Variants in KCTD17 observed in about 807,000 individuals in gnomAD.
KCTD17 encodes potassium channel tetramerization domain containing 17, also known as BTB/POZ domain-containing protein KCTD17.
In KCTD17, 20 loss-of-function variants were observed where a neutral mutation model predicts 41.5. That is an observed-to-expected ratio of 0.48 (90% CI 0.34 to 0.70). The LOEUF is 0.70. KCTD17 is among the 30% of genes least tolerant of loss of function. KCTD17 has a pLI of 0.01. For synonymous variants in KCTD17, 156 were observed against 173.8 expected (o/e 0.90, Z 0.80); for missense variants, 317 against 427.2 (o/e 0.74, Z 2.27).
At chr22:37,059,210 G>C in intron 4 of KCTD17, 103 bp from the exon 5 acceptor site, 1 of 1,517,066 alleles carries the variant, frequency 6.6e-7, no homozygotes, top group South Asian at 1.1e-5. Flanking sequence ...GCAAGATTAG[G>C]ACCTGAGCTG....
At chr22:37,052,691 G>A (rs1924640725) in intron 1 of KCTD17, 3 of 468,426 alleles carry the variant, frequency 6.4e-6, no homozygotes, top group Non-Finnish European at 1.3e-5. Flanking sequence ...CAGTGAGATA[G>A]TGACTCCTTT....
In KCTD17 at chr22:37,053,495, T is replaced by C. The variant is rs1924735104; in HGVS notation, c.298+287T>C. ...GCCCTGTGGCCTCTGCTGTGGGCTGTGACGCCCTTTCTCTCTGGCCTCCTA... is the reference window on the plus strand; with the variant it reads ...GCCCTGTGGCCTCTGCTGTGGGCTGCGACGCCCTTTCTCTCTGGCCTCCTA... On this transcript the variant is annotated intron_variant, in intron 2 of 8. Coordinates refer to ENST00000403888, the MANE Select transcript of KCTD17 (RefSeq NM_001282684.2). This position sits in a 1 kb window ranked among gnomAD's most constrained non-coding sequence, Gnocchi z 4.1. Among the ~76,000 whole-genome samples the C allele has an allele frequency of 6.6e-6, 1 of 152,232 alleles. No homozygotes were observed. Among genetic ancestry groups the C allele is most frequent in the Non-Finnish European group, 1.5e-5 (1 of 68,020 alleles).
chr22:37,055,466 A>C (rs1486967410), intron 2 of KCTD17: 1 of 152,036 alleles, frequency 6.6e-6, no homozygotes, highest in Non-Finnish European at 1.5e-5. Flanking sequence ...GGGAACACAC[A>C]CATTCTGCTC....
intron 2 of KCTD17, among the ~76,000 whole-genome samples, chr22:37,056,052 G>T (rs1925065112): frequency 6.6e-6 from 1 of 152,176 alleles, no homozygotes; most frequent in South Asian, 2.1e-4. Context: ...CCCTAAAGCT[G>T]CCCCAGACGG....
rs1924715159 is a variant in KCTD17 at position 37,053,329 on chromosome 22, TC to T, written c.298+124del. ...GCCTGCTTGGTTGTTTCCTGCCTCT[TC>T]CCAGTCGGACGGGGCTGATTCCCAA... On this transcript the variant is annotated intron_variant, in intron 2 of 8. Transcript: ENST00000403888. This position sits in a 1 kb window ranked among gnomAD's most constrained non-coding sequence, Gnocchi z 4.1. 1 of 749,734 alleles carries T rather than the reference TC, an allele frequency of 1.3e-6. No individual in the cohort carries two copies. 46.4% of individuals were successfully genotyped at this position (749,734 alleles called of 1,614,324 possible).
intron 8 of KCTD17, chr22:37,062,044 C>A: frequency 1.0e-6 from 1 of 984,032 alleles, no homozygotes; most frequent in South Asian, 4.7e-5. Context: ...CATGTGCCCA[C>A]AAGCCCCCTA....
intron 2 of KCTD17, among the ~76,000 whole-genome samples, chr22:37,055,753 A>T (rs934171607): frequency 2.6e-5 from 4 of 152,182 alleles, no homozygotes; most frequent in Non-Finnish European, 1.5e-5. Flanking sequence ...GTATGTGCTT[A>T]CAGTGGGGAG....
At chr22:37,059,277 A>C in intron 4 of KCTD17, 36 bp from the exon 5 acceptor site, 1 of 1,608,572 alleles carries the variant, frequency 6.2e-7, no homozygotes, top group African/African-American at 1.3e-5. Context: ...CCCCAACACC[A>C]ACCTGCATTT....
At position 37,062,847 on chromosome 22, in the gene KCTD17, C is replaced by G; in HGVS notation, c.*253C>G. 1 of 729,422 alleles carries G rather than the reference C, an allele frequency of 1.4e-6. No individual in the cohort carries two copies. Among genetic ancestry groups the G allele is most frequent in the Non-Finnish European group, 2.1e-6 (1 of 469,758 alleles). 45.2% of individuals were successfully genotyped at this position (729,422 alleles called of 1,614,324 possible). ...GCACCTGCGTCCCCTCTCCCGGGCTCCCCTGCTGCATGGTGGATGTGCTCC... is the reference window on the plus strand; with the variant it reads ...GCACCTGCGTCCCCTCTCCCGGGCTGCCCTGCTGCATGGTGGATGTGCTCC... On this transcript the variant is annotated 3_prime_UTR_variant, in exon 9 of 9. Transcript: ENST00000403888.
chr22:37,052,657 T>G lies in KCTD17; in HGVS notation c.190-443T>G, dbSNP rs141827097. ...TGTAGAGTCGCATGGAAGCCCACCC[T>G]GCCTCCCTGCCCGCCCGAGTGTCCA... On this transcript the variant is annotated intron_variant, in intron 1 of 8. Transcript: ENST00000403888. The G allele has an allele frequency of 4.5e-3, 2,099 of 470,712 alleles. 28 individuals carry two copies. The highest frequency in any genetic ancestry group is 0.032 in the African/African-American group (1,604 of 50,198). The allele number at this position is 470,712 out of a possible 1,614,324, so 29.2% of individuals were successfully genotyped here. A position where few individuals can be genotyped will look rare whatever the true frequency, so the allele number is the denominator to read the frequency against.
chr22:37,053,978 C>T lies in KCTD17; in HGVS notation c.298+770C>T, dbSNP rs1309515755. ...CCAGCTTGAATATGTCACTTCTCCT[C>T]ACTGCGTCTCCACTGGTATCTATTC... On this transcript the variant is annotated intron_variant, in intron 2 of 8. Coordinates refer to ENST00000403888, the MANE Select transcript of KCTD17 (RefSeq NM_001282684.2). The surrounding 1 kb of genome is among the most constrained non-coding windows in gnomAD (Gnocchi z 4.1). 6.6e-6 allele frequency among the ~76,000 whole-genome samples: 1 copy of T among 152,182 alleles called. No homozygotes were observed. Among genetic ancestry groups the T allele is most frequent in the Non-Finnish European group, 1.5e-5 (1 of 68,026 alleles).
chr22:37,061,375 G>A lies in KCTD17; in HGVS notation c.785-164G>A, dbSNP rs1003024111. The A allele has an allele frequency of 1.4e-4, 204 of 1,473,286 alleles. No homozygotes were observed. In the African/African-American group the frequency reaches 1.9e-3, roughly 13 times the overall value. 91.3% of individuals were successfully genotyped at this position (1,473,286 alleles called of 1,614,324 possible). On this transcript the variant is annotated intron_variant, in intron 7 of 8. Coordinates refer to ENST00000403888, the MANE Select transcript of KCTD17 (RefSeq NM_001282684.2). The surrounding 1 kb of genome is among the most constrained non-coding windows in gnomAD (Gnocchi z 6.6). Reference sequence around the variant, plus strand: ...GAGCGTCCTGCCTGCCGCCTCCTGCGCCCCTTCTGGTACCTCCTGCCTCCC... The same window carrying A: ...GAGCGTCCTGCCTGCCGCCTCCTGCACCCCTTCTGGTACCTCCTGCCTCCC...
Position 37,058,381 on chromosome 22 carries a change from C to G in KCTD17, c.486+888C>G, listed in dbSNP as rs577877181. On this transcript the variant is annotated intron_variant, in intron 4 of 8. Coordinates refer to ENST00000403888, the MANE Select transcript of KCTD17 (RefSeq NM_001282684.2). The stretch of plus-strand genomic sequence containing the variant: ...ACATCTCCTGTGCGGGACCCAGTTC[C>G]CTCATCGGTGAAGTGGGCTAACAGT... 2.5e-3 allele frequency among the ~76,000 whole-genome samples: 381 copies of G among 152,354 alleles called. 1 individual carries two copies. The highest frequency in any genetic ancestry group is 8.5e-3 in the African/African-American group (353 of 41,582).
chr22:37,060,102 G>A (rs975302675), intron 5 of KCTD17, among the ~76,000 whole-genome samples: 16 of 152,198 alleles, frequency 1.1e-4, no homozygotes, highest in Non-Finnish European at 2.2e-4. Flanking sequence ...AGGGCTGAGC[G>A]GGGGTCCTGC....
chr22:37,052,963 G>T, intron 1 of KCTD17, 137 bp from the exon 2 acceptor site: 1 of 667,152 alleles, frequency 1.5e-6, no homozygotes, highest in South Asian at 1.7e-5. Flanking sequence ...TCTGACCCCA[G>T]TGCCTTTTTG....
In KCTD17 at chr22:37,062,603, A is replaced by G. The variant is rs967275518; in HGVS notation, c.*9A>G. On this transcript the variant is annotated 3_prime_UTR_variant, in exon 9 of 9. Coordinates refer to ENST00000403888, the MANE Select transcript of KCTD17 (RefSeq NM_001282684.2). Reference sequence around the variant, plus strand: ...TTGGGGTTCCCATCTGAAATCCTTTATTTTTGTACCATGGGGTGGGCCCCG... The same window carrying G: ...TTGGGGTTCCCATCTGAAATCCTTTGTTTTTGTACCATGGGGTGGGCCCCG... The G allele has an allele frequency of 6.8e-6, 11 of 1,610,446 alleles. No homozygotes were observed. The African/African-American group carries it at 1.2e-4, about 18-fold the overall frequency.
rs1277705305 is a variant in KCTD17 at position 37,059,205 on chromosome 22, A to G, written c.487-108A>G. The G allele has an allele frequency of 5.3e-6, 8 of 1,505,756 alleles. No individual in the cohort carries two copies. The African/African-American group carries it at 1.1e-4, about 21-fold the overall frequency. 93.3% of individuals were successfully genotyped at this position (1,505,756 alleles called of 1,614,324 possible). A position where few individuals can be genotyped will look rare whatever the true frequency, so the allele number is the denominator to read the frequency against. ...AGGAGTGGGCCCGACAAGCCGCAAG[A>G]TTAGGACCTGAGCTGGTATCTTGAT... is the stretch of plus-strand genomic sequence containing the variant. On this transcript the variant is annotated intron_variant, in intron 4 of 8. Transcript: ENST00000403888.
At chr22:37,054,855 C>T (rs1924912556) in intron 2 of KCTD17, among the ~76,000 whole-genome samples, 1 of 152,178 alleles carries the variant, frequency 6.6e-6, no homozygotes. Flanking sequence ...CCTGTGTGGG[C>T]ACCGGGGACA....
intron 1 of KCTD17, 190 bp downstream of exon 1, chr22:37,052,139 C>T: frequency 2.4e-6 from 2 of 816,754 alleles, no homozygotes; most frequent in Non-Finnish European, 3.4e-6. Flanking sequence ...GTACCCATTG[C>T]CGTGGCAACG....
Sources: gnomAD v4.1 joint callset for allele counts (sites outside exome capture counted in the v4.1 genomes callset) on GRCh38, gnomAD v4.1.1 for gene constraint, Gnocchi (gnomAD v3.1) non-coding constraint, MANE v1.5 for transcripts, NCBI Gene and HGNC (gene_info 2026-07-23, HGNC 2026-07-21) for gene names.